Variants in TP53BP1 observed in about 807,000 individuals in gnomAD.
TP53BP1 encodes tumor protein p53 binding protein 1, also known as TP53-binding protein 1.
Under a neutral mutation model 200.8 loss-of-function variants are expected in TP53BP1, and 61 were observed. The observed-to-expected ratio is 0.30, with a 90% CI of 0.25 to 0.38. The LOEUF is 0.38. Ranked by LOEUF, TP53BP1 falls within the 10% of genes least tolerant of loss-of-function variation. The pLI is 1.00. For missense variants in TP53BP1, 2,144 were observed against 2,371.9 expected (o/e 0.90, Z 2.00); for synonymous variants, 822 against 844.3 (o/e 0.97, Z 0.46).
chr15:43,430,196 T>C (rs1449575865), intron 17 of TP53BP1, among the ~76,000 whole-genome samples: 2 of 152,230 alleles, frequency 1.3e-5, no homozygotes, highest in Non-Finnish European at 2.9e-5. Flanking sequence ...CACGTCCTTT[T>C]TGACATATAA....
intron 23 of TP53BP1, chr15:43,415,388 T>C (rs1397159645): frequency 4.4e-6 from 3 of 680,882 alleles, no homozygotes; most frequent in East Asian, 2.8e-5. Context: ...CTGGCCTTGC[T>C]ATCTACCCGC....
rs550364789 is a variant in TP53BP1 at position 43,406,589 on chromosome 15, G to A, written c.*794C>T. On this transcript the variant is annotated 3_prime_UTR_variant, in exon 28 of 28. Coordinates refer to ENST00000382044, the MANE Select transcript of TP53BP1 (RefSeq NM_001141980.3). ...ACAAAGCCTGAAATATTTACTCTTT[G>A]ACCCTTTACAGAAAAAAACCTTGTT... is the stretch of plus-strand genomic sequence containing the variant. 2 of 455,828 alleles carry A rather than the reference G, an allele frequency of 4.4e-6. No individual in the cohort carries two copies. Among genetic ancestry groups the A allele is most frequent in the South Asian group, 3.1e-5 (2 of 64,560 alleles). 28.2% of individuals were successfully genotyped at this position (455,828 alleles called of 1,614,324 possible).
chr15:43,458,786 A>G (rs922264903), intron 11 of TP53BP1, among the ~76,000 whole-genome samples: 1 of 133,384 alleles, frequency 7.5e-6, no homozygotes, highest in East Asian at 2.3e-4. Flanking sequence ...TCTGTCCCAA[A>G]AAAAGACAAA....
rs1408189173 is a variant in TP53BP1 at position 43,444,143 on chromosome 15, TC to T, written c.3040+2243del. 9.8e-5 allele frequency among the ~76,000 whole-genome samples: 15 copies of T among 152,352 alleles called. No homozygotes were observed. The East Asian group carries it at 2.9e-3, about 29-fold the overall frequency. On this transcript the variant is annotated intron_variant, in intron 14 of 27. Transcript: ENST00000382044. ...CTGAATACAGTCCTTGATACTATGC[TC>T]CTGGTATTAGGAAAGGTAGTAAAAT...
rs2142891961 is a variant in TP53BP1, at chr15:43,403,206, G to GT, written c.*4176dup. 6.6e-6 allele frequency: 1 copy of GT among 152,562 alleles called. No individual in the cohort carries two copies. Among genetic ancestry groups the GT allele is most frequent in the Non-Finnish European group, 1.5e-5 (1 of 68,308 alleles). The allele number at this position is 152,562 out of a possible 1,614,324, so 9.5% of individuals were successfully genotyped here. On this transcript the variant is annotated 3_prime_UTR_variant, in exon 28 of 28. Transcript: ENST00000382044. ...TATATATATATACATACAAAAATCA[G>GT]TAACAACACAGAGGCCTGAACAATT...
At chr15:43,473,288 T>G (rs1319676430) in intron 10 of TP53BP1, among the ~76,000 whole-genome samples, 1 of 152,168 alleles carries the variant, frequency 6.6e-6, no homozygotes, top group East Asian at 1.9e-4. Context: ...GGCAGCCTGC[T>G]TTTATTCTCT....
Position 43,426,974 on chromosome 15 carries a change from C to T in TP53BP1, c.3828+1042G>A, listed in dbSNP as rs2045551361. On this transcript the variant is annotated intron_variant, in intron 18 of 27. Coordinates refer to ENST00000382044, the MANE Select transcript of TP53BP1 (RefSeq NM_001141980.3). Reference sequence around the variant, plus strand: ...CGGAGGTTGCAGTGAGCTGAGATTGCACCACTGCACTCTAGCCTGGGCAAC... The same window carrying T: ...CGGAGGTTGCAGTGAGCTGAGATTGTACCACTGCACTCTAGCCTGGGCAAC... Among the ~76,000 whole-genome samples the T allele has an allele frequency of 4.1e-5, 6 of 147,478 alleles. No individual in the cohort carries two copies. The South Asian group carries it at 1.3e-3, about 32-fold the overall frequency.
At chr15:43,407,824 C>T (rs2044963287) in intron 27 of TP53BP1, 119 bp downstream of exon 27, 1 of 1,088,398 alleles carries the variant, frequency 9.2e-7, no homozygotes, top group South Asian at 1.6e-5. Context: ...TACTTTTCTT[C>T]TCTAAGAAAC....
chr15:43,469,890 G>C lies in TP53BP1; in HGVS notation c.1357C>G (p.Leu453Val), dbSNP rs775860569. The C allele has an allele frequency of 6.2e-7, 1 of 1,613,984 alleles. No homozygotes were observed. Among genetic ancestry groups the C allele is most frequent in the Admixed American group, 1.7e-5 (1 of 60,020 alleles). ...QSTPVFPPGS[L>V]PIPSQPQFSH... ...AACTGAGGCTGGGATGGGATAGGAA[G>C]TGACCCAGGAGGGAAGACTGGTGTG... Residue 453 changes from leucine to valine, a missense_variant, in exon 11 of 28, where the codon CTT becomes GTT. Transcript: ENST00000382044.
At chr15:43,493,720 G>GT (rs1386110823), upstream of TP53BP1, among the ~76,000 whole-genome samples, 1 of 152,134 alleles carries the variant, frequency 6.6e-6, no homozygotes, top group African/African-American at 2.4e-5. Flanking sequence ...GTATTTGTTT[G>GT]TTTTTACATT....
intron 11 of TP53BP1, 106 bp from the exon 12 acceptor site, chr15:43,457,324 C>A: frequency 9.4e-7 from 1 of 1,065,748 alleles, no homozygotes; most frequent in African/African-American, 1.6e-5. Flanking sequence ...ATTTCTAAAT[C>A]AAATTTTTAA....
At chr15:43,436,249 C>A (rs1034140771) in intron 16 of TP53BP1, among the ~76,000 whole-genome samples, 1 of 152,086 alleles carries the variant, frequency 6.6e-6, no homozygotes, top group Non-Finnish European at 1.5e-5. Flanking sequence ...CCTCGGTCTA[C>A]CAAAGTGCCA....
chr15:43,433,532 T>A (rs2045718888), intron 16 of TP53BP1, among the ~76,000 whole-genome samples: 1 of 152,222 alleles, frequency 6.6e-6, no homozygotes, highest in East Asian at 1.9e-4. Flanking sequence ...ACTCACAGCT[T>A]AATATAAAAT....
At chr15:43,446,868 G>C in intron 13 of TP53BP1, 2 of 1,222,696 alleles carry the variant, frequency 1.6e-6, no homozygotes, top group Non-Finnish European at 2.3e-6. Context: ...ATCAGGCATA[G>C]GTAGCAGGAG....
chr15:43,477,780 G>A (rs367575677), intron 7 of TP53BP1, 21 bp from the exon 8 acceptor site: 11 of 1,495,922 alleles, frequency 7.4e-6, no homozygotes, highest in Non-Finnish European at 8.9e-6. Flanking sequence ...CATATCACCA[G>A]GAGAAAAAGT....
At chr15:43,490,089 TA>T (rs1429666715) in intron 4 of TP53BP1, among the ~76,000 whole-genome samples, 3 of 151,728 alleles carry the variant, frequency 2.0e-5, no homozygotes, top group Non-Finnish European at 4.4e-5. Context: ...TTTTTTTTTT[TA>T]TTATTTTATT....
intron 12 of TP53BP1, among the ~76,000 whole-genome samples, chr15:43,449,396 T>C (rs2046116589): frequency 6.6e-6 from 1 of 152,258 alleles, no homozygotes; most frequent in East Asian, 1.9e-4. Flanking sequence ...AGCAGACCTT[T>C]CTATGTGACA....
chr15:43,497,379 C>CA, upstream of TP53BP1: 1 of 984,440 alleles, frequency 1.0e-6, no homozygotes, highest in Non-Finnish European at 1.2e-6. Context: ...GACTCTGCCT[C>CA]AAAAAACAAC....
chr15:43,464,826 T>C (rs1456314954), intron 11 of TP53BP1, among the ~76,000 whole-genome samples: 2 of 152,118 alleles, frequency 1.3e-5, no homozygotes, highest in Non-Finnish European at 2.9e-5. Flanking sequence ...GAGAATCGCT[T>C]GAACCTGGGA....
Sources: allele counts gnomAD v4.1 joint callset (sites outside exome capture counted in the v4.1 genomes callset), GRCh38; gene constraint gnomAD v4.1.1; transcripts MANE v1.5; gene names NCBI Gene and HGNC (gene_info 2026-07-23, HGNC 2026-07-21).